Variants in TBC1D22A observed in about 807,000 individuals in gnomAD.
TBC1D22A encodes TBC1 domain family member 22A.
A neutral mutation model predicts 60.2 loss-of-function variants in TBC1D22A; 38 were observed. The ratio of observed to expected loss-of-function variants is 0.63; its 90% confidence interval spans 0.49 to 0.83. The LOEUF is 0.83. TBC1D22A is among the 40% of genes least tolerant of loss of function. TBC1D22A has a pLI of 0.00. For synonymous variants in TBC1D22A, 302 were observed against 281.7 expected (o/e 1.07, Z -0.72); for missense variants, 628 against 701.0 (o/e 0.90, Z 1.18).
intron 4 of TBC1D22A, among the ~76,000 whole-genome samples, chr22:46,847,610 C>A (rs2087063367): frequency 6.6e-6 from 1 of 152,114 alleles, no homozygotes; most frequent in Admixed American, 6.5e-5. Context: ...GTTGGGTTTT[C>A]CTGTTGGTCT....
At chr22:46,977,055 A>G (rs972419310) in intron 9 of TBC1D22A, among the ~76,000 whole-genome samples, 3 of 152,198 alleles carry the variant, frequency 2.0e-5, no homozygotes, top group Non-Finnish European at 4.4e-5. Flanking sequence ...GAGCTCGGTT[A>G]CACCCAGCAC....
At chr22:46,989,890 T>C (rs2055106147) in intron 9 of TBC1D22A, among the ~76,000 whole-genome samples, 1 of 152,100 alleles carries the variant, frequency 6.6e-6, no homozygotes, top group Non-Finnish European at 1.5e-5. Flanking sequence ...GCAACCTCTG[T>C]CTCCCAGGCT....
At chr22:46,794,100 G>A (rs1220519756) in intron 3 of TBC1D22A, among the ~76,000 whole-genome samples, 4 of 152,198 alleles carry the variant, frequency 2.6e-5, no homozygotes, top group Middle Eastern at 3.2e-3. Flanking sequence ...GCCTAGCTAC[G>A]TGCATGTCTT....
intron 1 of TBC1D22A, among the ~76,000 whole-genome samples, chr22:46,788,250 C>A (rs1045377654): frequency 4.0e-4 from 61 of 152,162 alleles, no homozygotes; most frequent in African/African-American, 1.4e-3. Context: ...AGGCTACTTT[C>A]TTAAGCTTTC....
chr22:47,153,866 G>A (rs2067604945), intron 12 of TBC1D22A, among the ~76,000 whole-genome samples: 1 of 152,168 alleles, frequency 6.6e-6, no homozygotes, highest in East Asian at 1.9e-4. Flanking sequence ...AGCTTGACAG[G>A]GGTGACGATG....
intron 8 of TBC1D22A, among the ~76,000 whole-genome samples, chr22:46,969,713 C>T (rs189402982): frequency 1.2e-4 from 19 of 152,252 alleles, no homozygotes; most frequent in South Asian, 2.1e-4. Context: ...CACCACCTTG[C>T]GGGCTCTTTG....
intron 8 of TBC1D22A, among the ~76,000 whole-genome samples, chr22:46,965,929 GCTT>G (rs2073780724): frequency 1.3e-5 from 2 of 152,172 alleles, no homozygotes; most frequent in South Asian, 4.1e-4. Context: ...CACAGCGCTG[GCTT>G]CATCACGTCC....
At chr22:47,105,632 A>G (rs958229126) in intron 11 of TBC1D22A, among the ~76,000 whole-genome samples, 4 of 152,342 alleles carry the variant, frequency 2.6e-5, no homozygotes, top group African/African-American at 7.2e-5. Flanking sequence ...ATTCACATGG[A>G]TTGGGGGAGC....
rs534924367 is a variant in TBC1D22A at position 46,952,022 on chromosome 22, A to G, written c.1016-22268A>G. Among the ~76,000 whole-genome samples the G allele has an allele frequency of 3.7e-4, 57 of 152,320 alleles. 1 individual carries two copies. The highest frequency in any genetic ancestry group is 1.3e-3 in the African/African-American group (55 of 41,566). On this transcript the variant is annotated intron_variant, in intron 8 of 12. Transcript: ENST00000337137. ...GTTTGTTACGAGTTTTGTAAATAAGATGTATCCTGCTGAGCCCCACAGCAC... is the reference window on the plus strand; with the variant it reads ...GTTTGTTACGAGTTTTGTAAATAAGGTGTATCCTGCTGAGCCCCACAGCAC...
intron 4 of TBC1D22A, among the ~76,000 whole-genome samples, chr22:46,847,180 C>T (rs2087039180): frequency 6.6e-6 from 1 of 152,188 alleles, no homozygotes; most frequent in Admixed American, 6.5e-5. Context: ...AACCTGGAGG[C>T]ATTTGGTATG....
At chr22:46,807,914 CTA>C (rs2085218084) in intron 4 of TBC1D22A, among the ~76,000 whole-genome samples, 1 of 152,160 alleles carries the variant, frequency 6.6e-6, no homozygotes, top group African/African-American at 2.4e-5. Context: ...CTACAGTGAG[CTA>C]TGATCATGCC....
At chr22:46,986,971 A>C (rs768294798) in intron 9 of TBC1D22A, among the ~76,000 whole-genome samples, 10 of 152,136 alleles carry the variant, frequency 6.6e-5, no homozygotes, top group Non-Finnish European at 1.0e-4. Context: ...ACGTGACTCT[A>C]AGAGTAGGAC....
rs1187109760 is a variant in TBC1D22A, at chr22:46,990,884, G to A, written c.1126-6750G>A. Among the ~76,000 whole-genome samples the A allele has an allele frequency of 4.6e-5, 7 of 152,184 alleles. No individual in the cohort carries two copies. Among genetic ancestry groups the A allele is most frequent in the Non-Finnish European group, 1.0e-4 (7 of 68,038 alleles). ...GACCATGGATGGCCTCCTCCTGCTG[G>A]TGTGCCGCTTTACTCTGCTGGTTGG... is the stretch of plus-strand genomic sequence containing the variant. On this transcript the variant is annotated intron_variant, in intron 9 of 12. Transcript: ENST00000337137. The surrounding 1 kb of genome is among the most constrained non-coding windows in gnomAD (Gnocchi z 4.6).
At chr22:47,057,667 T>G (rs1603202384) in intron 11 of TBC1D22A, among the ~76,000 whole-genome samples, 1 of 152,228 alleles carries the variant, frequency 6.6e-6, no homozygotes, top group South Asian at 2.1e-4. Flanking sequence ...CAAGAGGGCG[T>G]GTGCAGGGAG....
intron 11 of TBC1D22A, among the ~76,000 whole-genome samples, chr22:47,067,014 C>T (rs1243547157): frequency 6.6e-6 from 1 of 152,152 alleles, no homozygotes; most frequent in Non-Finnish European, 1.5e-5. Flanking sequence ...GCCTGTAATC[C>T]CAGCACTTTG....
chr22:47,079,084 CTTT>C (rs35269996), intron 11 of TBC1D22A, among the ~76,000 whole-genome samples: 7 of 124,950 alleles, frequency 5.6e-5, no homozygotes, highest in Admixed American at 2.5e-4. Flanking sequence ...GTAGAGCAGA[CTTT>C]TTTTTTTTTT....
intron 8 of TBC1D22A, among the ~76,000 whole-genome samples, chr22:46,953,910 G>T (rs894030995): frequency 2.0e-5 from 3 of 152,222 alleles, no homozygotes; most frequent in Middle Eastern, 3.2e-3. Context: ...ATTTTTCCAT[G>T]TATAGGTAAG....
chr22:46,971,924 C>T (rs982469199), intron 8 of TBC1D22A, among the ~76,000 whole-genome samples: 6 of 152,222 alleles, frequency 3.9e-5, no homozygotes, highest in Admixed American at 3.9e-4. Flanking sequence ...GGAGAGCCTG[C>T]AGCCCGGCAG....
At chr22:46,797,408 GCCCTCA>G in intron 3 of TBC1D22A, 30 bp from the exon 4 acceptor site, 1 of 1,608,404 alleles carries the variant, frequency 6.2e-7, no homozygotes, top group East Asian at 2.2e-5. Context: ...CGGGAGGAGC[GCCCTCA>G]CCCTCACCCC....
Sources: allele counts gnomAD v4.1 joint callset (sites outside exome capture counted in the v4.1 genomes callset), GRCh38; gene constraint gnomAD v4.1.1; non-coding constraint Gnocchi (gnomAD v3.1); transcripts MANE v1.5; gene names NCBI Gene and HGNC (gene_info 2026-07-23, HGNC 2026-07-21).